The following ABCA13 variants were observed in gnomAD, a reference collection of about 807,000 sequenced individuals.
ABCA13 encodes ATP-binding cassette sub-family A member 13.
ABCA13 carries 476 observed loss-of-function variants against 478.7 expected under a neutral mutation model. The ratio of observed to expected loss-of-function variants is 0.99; its 90% CI spans 0.92 to 1.07. ABCA13 has a LOEUF of 1.07. ABCA13 is among the 50% of genes least tolerant of loss of function. The pLI, the probability that ABCA13 is intolerant of heterozygous loss-of-function variation, is 0.00. For synonymous variants in ABCA13, 2,252 were observed against 2,158.9 expected, an observed-to-expected ratio of 1.04 and a Z score of -1.20; for missense variants, 6,060 against 5,910.6, an observed-to-expected ratio of 1.03 and a Z score of -0.83.
intron 48 of ABCA13, 81 bp downstream of exon 48, chr7:48,489,425 T>C (rs1829647806): frequency 4.0e-6 from 5 of 1,254,478 alleles, no homozygotes; most frequent in Non-Finnish European, 5.5e-6. Flanking sequence ...GAAAAGTTTC[T>C]GAATAGAAAT....
chr7:48,425,318 A>G (rs1034408759), intron 41 of ABCA13, among the ~76,000 whole-genome samples: 6 of 152,242 alleles, frequency 3.9e-5, no homozygotes, highest in African/African-American at 1.4e-4. Flanking sequence ...GAATATTGTT[A>G]TCAATAATGC....
intron 42 of ABCA13, among the ~76,000 whole-genome samples, chr7:48,434,114 C>T (rs6583443): frequency 0.08 from 12,187 of 151,908 alleles, 742 homozygotes; most frequent in African/African-American, 0.17. Context: ...GTGGTTGCAC[C>T]ATTTTACATT....
At chr7:48,216,877 A>C (rs193087493) in intron 3 of ABCA13, among the ~76,000 whole-genome samples, 8 of 152,320 alleles carry the variant, frequency 5.3e-5, no homozygotes, top group Admixed American at 4.6e-4. Flanking sequence ...AAAAACATTG[A>C]ATCATCCAAT....
intron 42 of ABCA13, among the ~76,000 whole-genome samples, chr7:48,450,246 A>G (rs1422842456): frequency 1.3e-5 from 2 of 152,192 alleles, no homozygotes; most frequent in East Asian, 1.9e-4. Flanking sequence ...GAATTCTGTA[A>G]CTCACTGAAC....
At chr7:48,587,118 A>C (rs374126043) in intron 56 of ABCA13, 36 bp from the exon 57 acceptor site, 3 of 1,611,050 alleles carry the variant, frequency 1.9e-6, no homozygotes, top group Non-Finnish European at 2.5e-6. Flanking sequence ...CACTTTGGTG[A>C]ATGCTGGTGT....
intron 43 of ABCA13, among the ~76,000 whole-genome samples, chr7:48,463,033 A>G (rs1325092134): frequency 6.6e-6 from 1 of 151,996 alleles, no homozygotes; most frequent in Non-Finnish European, 1.5e-5. Context: ...CTCTTACTCA[A>G]TTTATACCTC....
intron 55 of ABCA13, among the ~76,000 whole-genome samples, chr7:48,569,098 T>C (rs1787359025): frequency 6.6e-6 from 1 of 152,084 alleles, no homozygotes; most frequent in Admixed American, 6.5e-5. Context: ...TTCTTTATTA[T>C]TTCTTCCCTA....
intron 48 of ABCA13, among the ~76,000 whole-genome samples, chr7:48,496,284 A>G (rs958576598): frequency 8.6e-5 from 13 of 152,014 alleles, no homozygotes; most frequent in African/African-American, 3.1e-4. Flanking sequence ...AGGTGTTATA[A>G]TACATATATA....
intron 16 of ABCA13, among the ~76,000 whole-genome samples, chr7:48,271,271 T>C (rs561560287): frequency 6.6e-6 from 1 of 152,300 alleles, no homozygotes; most frequent in Non-Finnish European, 1.5e-5. Flanking sequence ...ATTAAACACC[T>C]GGCGATAAGC....
intron 3 of ABCA13, among the ~76,000 whole-genome samples, chr7:48,199,119 T>A (rs1276946930): frequency 6.6e-6 from 1 of 152,212 alleles, no homozygotes; most frequent in East Asian, 1.9e-4. Flanking sequence ...TATTAAACAA[T>A]CTAAGATATT....
chr7:48,582,711 G>C (rs1377442346), intron 56 of ABCA13, among the ~76,000 whole-genome samples: 1 of 152,050 alleles, frequency 6.6e-6, no homozygotes, highest in African/African-American at 2.4e-5. Context: ...TCCACTTGCT[G>C]GTCATTTCTA....
At chr7:48,591,702 G>T (rs57226042) in intron 57 of ABCA13, among the ~76,000 whole-genome samples, 19,199 of 151,752 alleles carry the variant, frequency 0.13, 1,436 homozygotes, top group East Asian at 0.18. Context: ...TTAAAATTAT[G>T]CCTAAGTATT....
At chr7:48,432,967 C>T (rs562700894) in intron 42 of ABCA13, among the ~76,000 whole-genome samples, 42 of 151,968 alleles carry the variant, frequency 2.8e-4, no homozygotes, top group Non-Finnish European at 5.3e-4. Context: ...GATGAGTTTT[C>T]TCATCACAAA....
chr7:48,636,368 T>A (rs572988097), intron 59 of ABCA13, among the ~76,000 whole-genome samples: 1 of 152,348 alleles, frequency 6.6e-6, no homozygotes, highest in South Asian at 2.1e-4. Flanking sequence ...GTAATTAGTG[T>A]TTGAAAGGAT....
chr7:48,409,747 A>G (rs139206515), intron 39 of ABCA13, among the ~76,000 whole-genome samples: 4 of 152,174 alleles, frequency 2.6e-5, no homozygotes, highest in Non-Finnish European at 5.9e-5. Context: ...CATAAAATAT[A>G]GCCTTCTCCC....
chr7:48,436,714 T>G (rs1331238850), intron 42 of ABCA13, among the ~76,000 whole-genome samples: 1 of 151,886 alleles, frequency 6.6e-6, no homozygotes, highest in Non-Finnish European at 1.5e-5. Flanking sequence ...TGGTATGTTG[T>G]GTTTTCACTT....
At chr7:48,277,289 C>G (rs1003278811) in intron 17 of ABCA13, among the ~76,000 whole-genome samples, 1 of 152,186 alleles carries the variant, frequency 6.6e-6, no homozygotes, top group African/African-American at 2.4e-5. Context: ...GTGAAAGCTC[C>G]TTGTCCACAG....
At chr7:48,484,437 A>T (rs1352416830) in intron 47 of ABCA13, among the ~76,000 whole-genome samples, 1 of 152,238 alleles carries the variant, frequency 6.6e-6, no homozygotes, top group African/African-American at 2.4e-5. Context: ...CATATATTGG[A>T]ATACATTATG....
At position 48,524,373 on chromosome 7, in the gene ABCA13, A is replaced by G; in HGVS notation, c.14177A>G (p.His4726Arg). Residue 4726 changes from histidine to arginine, a missense_variant, in exon 54 of 62, where the codon CAT becomes CGT. His to Arg is a conservative substitution (Grantham distance 29). This residue lies in a region of ABCA13 where 1,627 missense variants were observed against 1,571.0 expected (regional missense o/e 1.04). Coordinates refer to ENST00000435803, the MANE Select transcript of ABCA13 (RefSeq NM_152701.5). ...DILVLYNLSKHYRRFFQNIIA... is the reference protein window; with the variant it reads ...DILVLYNLSKRYRRFFQNIIA... ...CTTGTGTTATACAACCTTAGTAAAC[A>G]TTATCGACGCTTTTTCCAGAATATT... is the stretch of plus-strand genomic sequence containing the variant. 1.9e-6 allele frequency: 3 copies of G among 1,613,232 alleles called. No homozygotes were observed. Among genetic ancestry groups the G allele is most frequent in the African/African-American group, 2.7e-5 (2 of 75,022 alleles).
Sources: allele counts gnomAD v4.1 joint callset (sites outside exome capture counted in the v4.1 genomes callset), GRCh38; gene constraint gnomAD v4.1.1; regional missense constraint gnomAD v4.1.1; transcripts MANE v1.5; gene names NCBI Gene and HGNC (gene_info 2026-07-23, HGNC 2026-07-21).